The following HDAC9 variants were observed in gnomAD, a reference collection of about 807,000 sequenced individuals.
The protein encoded by HDAC9 is histone deacetylase 9, also known as MEF-2 interacting transcription repressor (MITR) protein.
A neutral mutation model predicts 139.4 loss-of-function variants in HDAC9; 41 were observed. The ratio of observed to expected loss-of-function variants is 0.29; its 90% CI spans 0.23 to 0.38. The LOEUF (loss-of-function observed/expected upper bound fraction) is 0.38. Among genes scored for constraint, HDAC9 ranks in the 10% least tolerant of loss-of-function variants. The pLI, the probability that HDAC9 is intolerant of heterozygous loss-of-function variation, is 1.00. For synonymous variants in HDAC9, 517 were observed against 476.2 expected, an observed-to-expected ratio of 1.09 and a Z score of -1.12; for missense variants, 1,147 against 1,297.0, an observed-to-expected ratio of 0.88 and a Z score of 1.78.
chr7:18,824,041 A>AGAGGAAGAGGAAGAG (rs879411184), intron 17 of HDAC9, among the ~76,000 whole-genome samples: 2 of 113,778 alleles, frequency 1.8e-5, no homozygotes, highest in East Asian at 2.8e-4. Context: ...AGGAAGAGGA[A>AGAGGAAGAGGAAGAG]GAGGAAGAAG....
At chr7:18,623,151 A>G (rs1184090553) in intron 6 of HDAC9, among the ~76,000 whole-genome samples, 1 of 151,896 alleles carries the variant, frequency 6.6e-6, no homozygotes, top group East Asian at 1.9e-4. Flanking sequence ...CTCTGGAAAA[A>G]AAAAAAAAAA....
intron 3 of HDAC9, among the ~76,000 whole-genome samples, chr7:18,589,315 C>T (rs1223614925): frequency 6.6e-6 from 1 of 152,098 alleles, no homozygotes; most frequent in African/African-American, 2.4e-5. Context: ...CACTTGAGGC[C>T]AGGAGTTTGA....
chr7:18,257,471 G>A (rs780031032), intron 2 of HDAC9, among the ~76,000 whole-genome samples: 1 of 149,816 alleles, frequency 6.7e-6, no homozygotes, highest in South Asian at 2.1e-4. Flanking sequence ...ATAAATTAAA[G>A]ATGAAGTTCT....
At chr7:18,979,598 T>A (rs1180482284) in intron 25 of HDAC9, among the ~76,000 whole-genome samples, 1 of 152,160 alleles carries the variant, frequency 6.6e-6, no homozygotes, top group Non-Finnish European at 1.5e-5. Context: ...AATGGGTAAT[T>A]TATAAAGAAA....
intron 1 of HDAC9, among the ~76,000 whole-genome samples, chr7:18,419,704 C>G (rs1789440044): frequency 6.6e-6 from 1 of 152,094 alleles, no homozygotes; most frequent in South Asian, 2.1e-4. Flanking sequence ...CCAAAGGAAA[C>G]AGACATTCCA....
intron 2 of HDAC9, among the ~76,000 whole-genome samples, chr7:18,563,019 ATTAG>A (rs1356028649): frequency 6.6e-6 from 1 of 151,996 alleles, no homozygotes; most frequent in Admixed American, 6.5e-5. Flanking sequence ...TGTTTTATTG[ATTAG>A]TTATTTATTT....
At chr7:18,969,510 T>C (rs1393034511) in intron 24 of HDAC9, among the ~76,000 whole-genome samples, 4 of 151,772 alleles carry the variant, frequency 2.6e-5, no homozygotes, top group African/African-American at 9.7e-5. Context: ...GGCATCCAAA[T>C]GAAAATTACT....
chr7:18,093,566 A>G (rs1782308153), intron 1 of HDAC9, among the ~76,000 whole-genome samples: 1 of 152,206 alleles, frequency 6.6e-6, no homozygotes, highest in East Asian at 1.9e-4. Context: ...AAGAATGGGG[A>G]GTAGAGGCTG....
chr7:18,426,419 T>G (rs1031897330), intron 1 of HDAC9, among the ~76,000 whole-genome samples: 2 of 152,228 alleles, frequency 1.3e-5, no homozygotes, highest in Admixed American at 6.5e-5. Flanking sequence ...ACAATGATAC[T>G]TAATATTAAA....
At chr7:18,834,304 A>G (rs1381802586) in intron 19 of HDAC9, among the ~76,000 whole-genome samples, 1 of 152,100 alleles carries the variant, frequency 6.6e-6, no homozygotes, top group Admixed American at 6.5e-5. Context: ...TTGAATACAA[A>G]TATATAAATT....
intron 1 of HDAC9, among the ~76,000 whole-genome samples, chr7:18,157,804 T>TGAGAGAGAGAGAGAGAGA (rs67690215): frequency 3.7e-5 from 4 of 109,528 alleles, no homozygotes; most frequent in Admixed American, 9.5e-5. Flanking sequence ...TTCTAAGGCA[T>TGAGAGAGAGAGAGAGAGA]GAGAGAGAGA....
intron 8 of HDAC9, among the ~76,000 whole-genome samples, chr7:18,635,961 A>G (rs1783753698): frequency 6.6e-6 from 1 of 152,092 alleles, no homozygotes. Context: ...ACACAAACAC[A>G]ATATGATATG....
chr7:18,289,512 G>T (rs1263543336), upstream of HDAC9, among the ~76,000 whole-genome samples: 1 of 152,084 alleles, frequency 6.6e-6, no homozygotes, highest in African/African-American at 2.4e-5. Flanking sequence ...TTTCTTTGAA[G>T]AAACATTTTC....
At chr7:18,223,999 T>A (rs1358814791) in intron 2 of HDAC9, among the ~76,000 whole-genome samples, 1 of 152,212 alleles carries the variant, frequency 6.6e-6, no homozygotes, top group Non-Finnish European at 1.5e-5. Flanking sequence ...TATCTTTCTA[T>A]TCAGGAAAAT....
chr7:18,590,818 A>C lies in HDAC9; in HGVS notation c.415+332A>C, dbSNP rs917226106. Among the ~76,000 whole-genome samples, 2 of 152,124 alleles carry C rather than the reference A, an allele frequency of 1.3e-5. 1 individual carries two copies. Among genetic ancestry groups the C allele is most frequent in the East Asian group, 3.9e-4 (2 of 5,186 alleles). On this transcript the variant is annotated intron_variant, in intron 4 of 25. Transcript: ENST00000686413. ...CAGCTTGTATCCACATCTCCTGACT[A>C]TGCCTTCCTTACTCCTGGCCAAGTA...
intron 16 of HDAC9, among the ~76,000 whole-genome samples, chr7:18,784,029 G>T (rs1483367274): frequency 6.6e-6 from 1 of 151,816 alleles, no homozygotes; most frequent in African/African-American, 2.4e-5. Flanking sequence ...TTATGTCTAT[G>T]TCCCCATTGT....
At chr7:18,414,817 T>G (rs1788896478) in intron 1 of HDAC9, among the ~76,000 whole-genome samples, 1 of 152,214 alleles carries the variant, frequency 6.6e-6, no homozygotes, top group African/African-American at 2.4e-5. Context: ...CCTGGTTGAC[T>G]TTACATTTAA....
intron 13 of HDAC9, among the ~76,000 whole-genome samples, chr7:18,741,262 T>C (rs1246784523): frequency 6.6e-6 from 1 of 152,168 alleles, no homozygotes; most frequent in African/African-American, 2.4e-5. Flanking sequence ...ATGACTGGCT[T>C]CAAAGAATAA....
chr7:18,466,557 A>G (rs1483736133), intron 1 of HDAC9, among the ~76,000 whole-genome samples: 6 of 152,046 alleles, frequency 3.9e-5, no homozygotes, highest in South Asian at 4.1e-4. Context: ...TCGTACTTCA[A>G]ATTGCTTCTG....
Sources: allele counts gnomAD v4.1 joint callset (sites outside exome capture counted in the v4.1 genomes callset), GRCh38; gene constraint gnomAD v4.1.1; transcripts MANE v1.5; gene names NCBI Gene and HGNC (gene_info 2026-07-23, HGNC 2026-07-21).